PCDHA10: variants seen among roughly 807,000 people sequenced by gnomAD.
The protein encoded by PCDHA10 is protocadherin alpha-10.
PCDHA10 carries 45 observed loss-of-function variants against 61.2 expected under a neutral mutation model. The ratio of observed to expected loss-of-function variants is 0.74; its 90% CI spans 0.58 to 0.94. The LOEUF is 0.94. Among genes scored for constraint, PCDHA10 ranks in the 40% least tolerant of loss-of-function variants. The probability of loss-of-function intolerance (pLI) is 0.00; values close to 1 mark genes in which losing one functional copy is unlikely to be tolerated. For synonymous variants in PCDHA10, 602 were observed against 548.8 expected (o/e 1.10, Z -1.35); for missense variants, 1,278 against 1,236.2 (o/e 1.03, Z -0.51).
intron 1 of PCDHA10, among the ~76,000 whole-genome samples, chr5:140,915,396 C>T (rs1554196881): frequency 6.6e-6 from 1 of 152,116 alleles, no homozygotes; most frequent in African/African-American, 2.4e-5. Context: ...CTAGGTATTT[C>T]TTATAGTCTT....
At chr5:140,944,385 C>T (rs1273075803) in intron 1 of PCDHA10, among the ~76,000 whole-genome samples, 4 of 152,092 alleles carry the variant, frequency 2.6e-5, no homozygotes, top group Non-Finnish European at 5.9e-5. Flanking sequence ...TGGAGTCTCA[C>T]TGTGTTATCC....
intron 1 of PCDHA10, among the ~76,000 whole-genome samples, chr5:140,926,036 C>A (rs2082873940): frequency 6.6e-6 from 1 of 152,168 alleles, no homozygotes; most frequent in South Asian, 2.1e-4. Context: ...TTGATGCGGA[C>A]ACTATTCCCC....
intron 1 of PCDHA10, chr5:140,869,731 T>C (rs1554163388): frequency 6.2e-7 from 1 of 1,613,416 alleles, no homozygotes. Flanking sequence ...GGAACTTAAT[T>C]TGCTGCTAAC....
intron 1 of PCDHA10, among the ~76,000 whole-genome samples, chr5:140,906,435 C>T (rs2072652869): frequency 6.6e-6 from 1 of 152,120 alleles, no homozygotes; most frequent in Non-Finnish European, 1.5e-5. Flanking sequence ...ACATGATAAA[C>T]AAGAAAGGAA....
chr5:140,903,908 T>G (rs1248455998), intron 1 of PCDHA10, among the ~76,000 whole-genome samples: 2 of 152,242 alleles, frequency 1.3e-5, no homozygotes, highest in East Asian at 1.9e-4. Flanking sequence ...GTCAATGATG[T>G]GACTTCCTTG....
Position 140,856,435 on chromosome 5 carries a change from G to C in PCDHA10, c.387G>C (p.Pro129=), listed in dbSNP as rs2043994865. Residue 129 remains proline (P), a synonymous_variant, in exon 1 of 4, where the codon CCG becomes CCC. Coordinates refer to ENST00000307360, the MANE Select transcript of PCDHA10 (RefSeq NM_018901.4). ...DVEVKDINDN[P]PRFSVTEQKL... ...AAGTGAAGGACATTAACGACAACCC[G>C]CCCAGGTTCTCCGTAACAGAACAAA... 6.3e-7 allele frequency: 1 copy of C among 1,598,204 alleles called. No homozygotes were observed. The highest frequency in any genetic ancestry group is 8.6e-7 in the Non-Finnish European group (1 of 1,167,908).
chr5:140,924,902 A>AAT (rs2082141904), intron 1 of PCDHA10, among the ~76,000 whole-genome samples: 1 of 39,026 alleles, frequency 2.6e-5, no homozygotes, highest in African/African-American at 7.6e-5. Flanking sequence ...CTCAAAAAAA[A>AAT]AAATAAAATA....
intron 1 of PCDHA10, among the ~76,000 whole-genome samples, chr5:140,933,309 A>G (rs183796217): frequency 4.7e-4 from 72 of 152,092 alleles, no homozygotes; most frequent in Middle Eastern, 6.8e-3. Context: ...TAAATATGCA[A>G]TCTCGTATTC....
intron 3 of PCDHA10, among the ~76,000 whole-genome samples, chr5:140,987,098 C>A (rs2153859479): frequency 6.6e-6 from 1 of 151,952 alleles, no homozygotes; most frequent in Admixed American, 6.6e-5. Flanking sequence ...CCTGTAATCC[C>A]AGCTACTCGG....
chr5:141,010,374 C>A lies in PCDHA10; in HGVS notation c.*437C>A. 2 of 1,459,768 alleles carry A rather than the reference C, an allele frequency of 1.4e-6. No homozygotes were observed. Among genetic ancestry groups the A allele is most frequent in the South Asian group, 1.4e-5 (1 of 73,044 alleles). 90.4% of individuals were successfully genotyped at this position (1,459,768 alleles called of 1,614,324 possible). On this transcript the variant is annotated 3_prime_UTR_variant, in exon 4 of 4. Coordinates refer to ENST00000307360, the MANE Select transcript of PCDHA10 (RefSeq NM_018901.4). ...TGTGGCTACCGCGGGTATGCGAGTG[C>A]CAGATATTGGCTGAGACGAGCCAGC...
intron 1 of PCDHA10, chr5:140,875,979 C>G: frequency 3.7e-6 from 6 of 1,613,984 alleles, no homozygotes; most frequent in Non-Finnish European, 5.1e-6. Flanking sequence ...CTCTTTTGAC[C>G]TATGCGTTAA....
chr5:140,959,753 T>C (rs1479386012), intron 1 of PCDHA10, among the ~76,000 whole-genome samples: 1 of 152,226 alleles, frequency 6.6e-6, no homozygotes. Context: ...TTAAAGTATA[T>C]TTTAATATTC....
chr5:140,945,076 C>G (rs2093735426), intron 1 of PCDHA10, among the ~76,000 whole-genome samples: 1 of 152,104 alleles, frequency 6.6e-6, no homozygotes, highest in South Asian at 2.1e-4. Flanking sequence ...TCCACCAAAA[C>G]ACTCTTGGAA....
Position 140,856,779 on chromosome 5 carries a change from C to T in PCDHA10, c.731C>T (p.Pro244Leu), listed in dbSNP as rs1554149103. Reference protein sequence around the residue: ...ANDNAPIFDRPVYEVKMYENQ... With the variant: ...ANDNAPIFDRLVYEVKMYENQ... ...GATAACGCCCCTATCTTTGACAGACCGGTTTATGAAGTTAAGATGTATGAA... is the reference window on the plus strand; with the variant it reads ...GATAACGCCCCTATCTTTGACAGACTGGTTTATGAAGTTAAGATGTATGAA... The change falls in exon 1 of 4, where the codon CCG becomes CTG. Residue 244 changes from proline (P) to leucine (L), a missense_variant. Coordinates refer to ENST00000307360, the MANE Select transcript of PCDHA10 (RefSeq NM_018901.4). The T allele has an allele frequency of 6.3e-7, 1 of 1,596,160 alleles. No homozygotes were observed. The highest frequency in any genetic ancestry group is 2.2e-5 in the East Asian group (1 of 44,844).
At chr5:140,865,982 C>T (rs2049081742) in intron 1 of PCDHA10, 1 of 152,078 alleles carries the variant, frequency 6.6e-6, no homozygotes, top group South Asian at 2.1e-4. Flanking sequence ...ATTGAGATGG[C>T]ACTAAGTTTT....
chr5:141,006,357 G>A (rs1296731156), intron 3 of PCDHA10, among the ~76,000 whole-genome samples: 1 of 151,914 alleles, frequency 6.6e-6, no homozygotes, highest in Middle Eastern at 3.4e-3. Context: ...GACTATAGGC[G>A]CCCACCACCA....
intron 1 of PCDHA10, chr5:140,860,573 A>G (rs1299479847): frequency 6.6e-6 from 1 of 152,226 alleles, no homozygotes; most frequent in Non-Finnish European, 1.5e-5. Context: ...ATCATACACA[A>G]GAAGGTATAG....
At chr5:141,009,285 T>C (rs1554262099) in intron 3 of PCDHA10, among the ~76,000 whole-genome samples, 1 of 152,106 alleles carries the variant, frequency 6.6e-6, no homozygotes, top group African/African-American at 2.4e-5. Context: ...TGAGATCCCA[T>C]TTCTATAAAA....
At chr5:140,883,485 CATT>C in intron 1 of PCDHA10, 1 of 1,614,190 alleles carries the variant, frequency 6.2e-7, no homozygotes. Flanking sequence ...AACTACTACT[CATT>C]AGTGCTGGAC....
Sources: gnomAD v4.1 joint callset for allele counts (sites outside exome capture counted in the v4.1 genomes callset) on GRCh38, gnomAD v4.1.1 for gene constraint, MANE v1.5 for transcripts, NCBI Gene and HGNC (gene_info 2026-07-23, HGNC 2026-07-21) for gene names.